Variants in CCDC144A observed in about 807,000 individuals in gnomAD.
CCDC144A encodes the protein coiled-coil domain-containing protein 144A.
A neutral mutation model predicts 143.8 loss-of-function variants in CCDC144A; 41 were observed. The observed-to-expected ratio is 0.29, with a 90% CI of 0.22 to 0.37. The LOEUF (loss-of-function observed/expected upper bound fraction) is 0.37, where lower values mean the gene tolerates loss of function less well. Ranked by LOEUF, CCDC144A falls within the 10% of genes least tolerant of loss-of-function variation. The pLI, the probability that CCDC144A is intolerant of heterozygous loss-of-function variation, is 1.00. For missense variants in CCDC144A, 637 were observed against 1,488.8 expected (o/e 0.43, Z 9.41); for synonymous variants, 242 against 517.9 (o/e 0.47, Z 7.23).
chr17:16,757,979 T>A (rs935275518), intron 12 of CCDC144A, among the ~76,000 whole-genome samples: 3 of 152,218 alleles, frequency 2.0e-5, no homozygotes, highest in African/African-American at 7.2e-5. Flanking sequence ...CCTATCAATT[T>A]CCTGCTGAAT....
At chr17:16,682,034 C>CAT in the CCDC144A span, among the ~76,000 whole-genome samples, 2 of 151,986 alleles carry the variant, frequency 1.3e-5, no homozygotes, top group African/African-American at 2.4e-5. Context: ...TAATAGTTCT[C>CAT]ATTATTTCCC....
chr17:16,757,379 G>A (rs2143348019), intron 12 of CCDC144A, among the ~76,000 whole-genome samples: 1 of 152,362 alleles, frequency 6.6e-6, no homozygotes, highest in Non-Finnish European at 1.5e-5. Context: ...TTTGCCAGTG[G>A]CTGGTGAGGC....
At chr17:16,694,197 C>T (rs1231806948) in intron 2 of CCDC144A, among the ~76,000 whole-genome samples, 7 of 151,346 alleles carry the variant, frequency 4.6e-5, no homozygotes, top group Non-Finnish European at 2.9e-5. Context: ...AACTATATTA[C>T]ATAGTGATTT....
At chr17:16,682,616 TA>T in the CCDC144A span, among the ~76,000 whole-genome samples, 1 of 151,980 alleles carries the variant, frequency 6.6e-6, no homozygotes, top group Non-Finnish European at 1.5e-5. Context: ...AAAAAAGGAC[TA>T]GGGGTAATTA....
At chr17:16,729,754 T>C (rs1311075754) in intron 9 of CCDC144A, among the ~76,000 whole-genome samples, 1 of 151,074 alleles carries the variant, frequency 6.6e-6, no homozygotes, top group Non-Finnish European at 1.5e-5. Flanking sequence ...GGTTTCTCCA[T>C]GTTGGTCAGG....
the CCDC144A span, among the ~76,000 whole-genome samples, chr17:16,675,399 C>T: frequency 6.6e-6 from 1 of 150,682 alleles, no homozygotes; most frequent in South Asian, 2.1e-4. Context: ...AAAAGATAAG[C>T]TTGTCTTTTT....
the CCDC144A span, chr17:16,683,997 C>G: frequency 1.6e-5 from 16 of 1,009,854 alleles, no homozygotes; most frequent in Non-Finnish European, 1.7e-5. Flanking sequence ...GGGTGGCAGA[C>G]AAACCAAAGA....
intron 6 of CCDC144A, 139 bp from the exon 7 acceptor site, chr17:16,720,059 G>T (rs1462984364): frequency 8.6e-7 from 1 of 1,166,016 alleles, no homozygotes. Flanking sequence ...TACATTACCT[G>T]TAAAAAAATT....
intron 12 of CCDC144A, among the ~76,000 whole-genome samples, chr17:16,755,268 TATTA>T (rs1915023749): frequency 6.6e-6 from 1 of 152,250 alleles, no homozygotes; most frequent in Non-Finnish European, 1.5e-5. Context: ...TCCTTTCATT[TATTA>T]ATTGTTTAGT....
At chr17:16,722,864 G>A (rs1308377462) in intron 8 of CCDC144A, among the ~76,000 whole-genome samples, 2 of 152,000 alleles carry the variant, frequency 1.3e-5, no homozygotes, top group Admixed American at 6.5e-5. Context: ...GCTCATTATC[G>A]CATGGCTGTA....
At chr17:16,755,456 G>C (rs2143338772) in intron 12 of CCDC144A, among the ~76,000 whole-genome samples, 1 of 152,140 alleles carries the variant, frequency 6.6e-6, no homozygotes, top group South Asian at 2.1e-4. Context: ...TTGTCTTTTT[G>C]CTTCCAGATT....
At chr17:16,673,162 C>G in the CCDC144A span, among the ~76,000 whole-genome samples, 8 of 151,800 alleles carry the variant, frequency 5.3e-5, no homozygotes. Flanking sequence ...GACTTCAATT[C>G]TCAGTAAATG....
At chr17:16,768,374 G>A (rs1403934306) in intron 15 of CCDC144A, among the ~76,000 whole-genome samples, 5 of 152,106 alleles carry the variant, frequency 3.3e-5, no homozygotes, top group African/African-American at 4.8e-5. Context: ...CCCAGGGAAG[G>A]CCTAGGCAAG....
chr17:16,701,307 G>A (rs1439206010), intron 2 of CCDC144A, among the ~76,000 whole-genome samples: 6 of 152,088 alleles, frequency 3.9e-5, no homozygotes, highest in African/African-American at 7.3e-5. Context: ...ACCCCCCATC[G>A]GAGTTCATCA....
chr17:16,673,999 A>G, the CCDC144A span, among the ~76,000 whole-genome samples: 1 of 152,168 alleles, frequency 6.6e-6, no homozygotes. Context: ...ACGTTAGAAG[A>G]AATTGAAAAT....
intron 2 of CCDC144A, among the ~76,000 whole-genome samples, chr17:16,701,287 C>T (rs1371233951): frequency 6.6e-6 from 1 of 152,114 alleles, no homozygotes; most frequent in Non-Finnish European, 1.5e-5. Flanking sequence ...TAGCCTCCCT[C>T]ATTATCAGTA....
intron 6 of CCDC144A, among the ~76,000 whole-genome samples, chr17:16,717,262 G>A (rs930154996): frequency 2.0e-4 from 30 of 151,446 alleles, no homozygotes; most frequent in African/African-American, 6.5e-4. Context: ...CTACAGGTGC[G>A]CCACCATGCC....
chr17:16,762,341 T>A lies in CCDC144A; in HGVS notation c.3695T>A (p.Leu1232Ter). ...CAAGCAGCAGTATCTCATGAACAGTTAGTACAGTTAAGGGAGGATAATACT... is the reference window on the plus strand; with the variant it reads ...CAAGCAGCAGTATCTCATGAACAGTAAGTACAGTTAAGGGAGGATAATACT... The part of the protein sequence containing the change: ...QKQAAVSHEQ[L>*]VQLREDNTTS... The change falls in exon 14 of 17, where the codon TTA becomes TAA. Residue 1232 changes from leucine to a stop codon, truncating the protein, a stop_gained. Transcript: ENST00000399273. LOFTEE classifies it high-confidence loss of function. The A allele has an allele frequency of 6.2e-7, 1 of 1,603,660 alleles. No individual in the cohort carries two copies. Among genetic ancestry groups the A allele is most frequent in the East Asian group, 2.3e-5 (1 of 44,178 alleles).
At chr17:16,729,865 A>AT (rs1209912358) in intron 9 of CCDC144A, among the ~76,000 whole-genome samples, 105 of 142,356 alleles carry the variant, frequency 7.4e-4, no homozygotes, top group African/African-American at 1.7e-3. Flanking sequence ...TCAAAAAAAA[A>AT]AAATATATAT....
Sources: gnomAD v4.1 joint callset for allele counts (sites outside exome capture counted in the v4.1 genomes callset) on GRCh38, gnomAD v4.1.1 for gene constraint, MANE v1.5 for transcripts, NCBI Gene and HGNC (gene_info 2026-07-23, HGNC 2026-07-21) for gene names.